MYO1H: variants seen among roughly 807,000 people sequenced by gnomAD.
MYO1H encodes the protein myosin IH.
MYO1H carries 118 observed loss-of-function variants against 149.3 expected under a neutral mutation model. The ratio of observed to expected loss-of-function variants is 0.79; its 90% CI spans 0.68 to 0.92. The LOEUF (loss-of-function observed/expected upper bound fraction) is 0.92, where lower values mean the gene tolerates loss of function less well. MYO1H is among the 40% of genes least tolerant of loss of function. MYO1H has a pLI of 0.00. For synonymous variants in MYO1H, 447 were observed against 465.2 expected (o/e 0.96, Z 0.50); for missense variants, 1,212 against 1,280.7 (o/e 0.95, Z 0.82).
chr12:109,359,890 G>A (rs1387606865), intron 1 of MYO1H, among the ~76,000 whole-genome samples: 1 of 152,068 alleles, frequency 6.6e-6, no homozygotes, highest in African/African-American at 2.4e-5. Context: ...TTAAAGTTGT[G>A]GAGTTTAAAG....
intron 1 of MYO1H, among the ~76,000 whole-genome samples, chr12:109,353,908 C>T (rs541139474): frequency 2.6e-5 from 4 of 152,338 alleles, no homozygotes; most frequent in African/African-American, 9.6e-5. Context: ...CTGCCCGCCT[C>T]AGCCCCCAAA....
chr12:109,396,138 G>C (rs557266730), intron 3 of MYO1H, among the ~76,000 whole-genome samples: 1 of 152,176 alleles, frequency 6.6e-6, no homozygotes, highest in South Asian at 2.1e-4. Context: ...GGCCAGGCTA[G>C]TCTCGAACTC....
intron 18 of MYO1H, among the ~76,000 whole-genome samples, 181 bp downstream of exon 18, chr12:109,426,232 C>A (rs1871347773): frequency 6.6e-6 from 1 of 152,166 alleles, no homozygotes. Context: ...GCCTGTAATC[C>A]CAGCCCTTTG....
chr12:109,429,628 T>C (rs1309502828), intron 19 of MYO1H, among the ~76,000 whole-genome samples: 1 of 152,162 alleles, frequency 6.6e-6, no homozygotes, highest in Non-Finnish European at 1.5e-5. Context: ...TTTGTATCCA[T>C]GGGGGTCCTG....
At chr12:109,327,111 C>CTT in the MYO1H span, among the ~76,000 whole-genome samples, 141 of 131,622 alleles carry the variant, frequency 1.1e-3, 1 homozygote, top group African/African-American at 4.1e-3. Context: ...TTTAATTTTT[C>CTT]TTTTCTTTTT....
chr12:109,426,006 C>T (rs774388625), exon 18 of MYO1H: 1 of 1,613,850 alleles, frequency 6.2e-7, no homozygotes, highest in Admixed American at 1.7e-5. Flanking sequence ...CTCTAAGGAG[C>T]CCTCCTACAT....
chr12:109,443,352 A>G (rs887362668), intron 27 of MYO1H, among the ~76,000 whole-genome samples, 162 bp from the exon 28 acceptor site: 1 of 95,898 alleles, frequency 1.0e-5, no homozygotes, highest in Non-Finnish European at 2.1e-5. Flanking sequence ...ATATGTGTGT[A>G]TATACACACA....
chr12:109,376,039 T>G (rs1320172084), intron 1 of MYO1H, among the ~76,000 whole-genome samples: 1 of 152,216 alleles, frequency 6.6e-6, no homozygotes, highest in Non-Finnish European at 1.5e-5. Context: ...GAAGATATCT[T>G]CTATATTCTC....
chr12:109,424,827 C>T (rs767394743), exon 17 of MYO1H: 1 of 1,613,310 alleles, frequency 6.2e-7, no homozygotes, highest in African/African-American at 1.3e-5. Context: ...AGGCCCCCAA[C>T]AGTGAGTGGG....
chr12:109,334,295 C>T, the MYO1H span, among the ~76,000 whole-genome samples: 3 of 152,162 alleles, frequency 2.0e-5, no homozygotes, highest in South Asian at 4.1e-4. Flanking sequence ...ACTGGCATTA[C>T]AGGCATGAGC....
chr12:109,386,838 T>G (rs1048631921), intron 1 of MYO1H, among the ~76,000 whole-genome samples: 2 of 152,218 alleles, frequency 1.3e-5, no homozygotes, highest in African/African-American at 2.4e-5. Flanking sequence ...TGGTGAAGTC[T>G]GATTTCTTAT....
the MYO1H span, among the ~76,000 whole-genome samples, chr12:109,336,744 A>G: frequency 3.6e-4 from 55 of 152,294 alleles, no homozygotes; most frequent in African/African-American, 1.3e-3. Context: ...CAGAACTCTG[A>G]TTGGCCAGGC....
chr12:109,349,821 C>T (rs546202719), intron 1 of MYO1H, among the ~76,000 whole-genome samples: 71 of 151,196 alleles, frequency 4.7e-4, no homozygotes, highest in Middle Eastern at 6.9e-3. Context: ...ATTAGCCGGG[C>T]GTGGTAGGGG....
exon 3 of MYO1H, chr12:109,393,334 T>C (rs1323054887): frequency 1.3e-6 from 2 of 1,566,728 alleles, no homozygotes; most frequent in South Asian, 2.3e-5. Flanking sequence ...TCTCTAGACA[T>C]ATATTGGCAC....
intron 1 of MYO1H, among the ~76,000 whole-genome samples, chr12:109,351,691 C>T (rs1868463888): frequency 6.6e-6 from 1 of 152,142 alleles, no homozygotes; most frequent in South Asian, 2.1e-4. Flanking sequence ...AGAAGAAAGC[C>T]CCCATGGCTA....
chr12:109,388,685 A>G (rs893318624), exon 2 of MYO1H: 4 of 1,560,186 alleles, frequency 2.6e-6, no homozygotes, highest in African/African-American at 2.7e-5. Flanking sequence ...TCCCGTAGAA[A>G]GAAGACGTGA....
rs746924543 is a variant in MYO1H at position 109,444,430 on chromosome 12, A to C, written c.2896-2A>C. On this transcript the variant is annotated splice_acceptor_variant, in intron 29 of 31. Transcript: ENST00000310903. LOFTEE classifies it high-confidence loss of function. The stretch of plus-strand genomic sequence containing the variant: ...TTATGCCTTGTCTCCTCCCCACCCC[A>C]GGGGGATGCCGTTTTGCAGTGTGGA... 6.2e-7 allele frequency: 1 copy of C among 1,612,888 alleles called. No individual in the cohort carries two copies. Among genetic ancestry groups the C allele is most frequent in the Non-Finnish European group, 8.5e-7 (1 of 1,178,980 alleles).
rs7299575 is a variant in MYO1H, at chr12:109,373,185, A to G, written c.13-15498A>G. Among the ~76,000 whole-genome samples the G allele has an allele frequency of 2.9e-3, 443 of 152,178 alleles. 4 individuals carry two copies. The highest frequency in any genetic ancestry group is 9.6e-3 in the African/African-American group (398 of 41,550). ...AATCAGCAGATGCTTTTCTTCTCCA[A>G]TGTTTCTATTTTGATTTCCTCCTCT... On this transcript the variant is annotated intron_variant, in intron 1 of 31. Transcript: ENST00000310903.
At chr12:109,436,985 G>A in intron 22 of MYO1H, among the ~76,000 whole-genome samples, 1 of 152,072 alleles carries the variant, frequency 6.6e-6, no homozygotes, top group East Asian at 1.9e-4. Flanking sequence ...AATGCCTGTA[G>A]TCCCAGCTAC....
Sources: allele counts gnomAD v4.1 joint callset (sites outside exome capture counted in the v4.1 genomes callset), GRCh38; gene constraint gnomAD v4.1.1; transcripts MANE v1.5; gene names NCBI Gene and HGNC (gene_info 2026-07-23, HGNC 2026-07-21).